GSDME: variants seen among roughly 807,000 people sequenced by gnomAD.
GSDME encodes the protein gasdermin-E.
A neutral mutation model predicts 47.5 loss-of-function variants in GSDME; 44 were observed. The ratio of observed to expected loss-of-function variants is 0.93; its 90% confidence interval spans 0.73 to 1.19. The LOEUF (loss-of-function observed/expected upper bound fraction) is 1.19, where lower values mean the gene tolerates loss of function less well. Ranked by LOEUF, GSDME falls within the 50% of genes most tolerant of loss-of-function variation. The pLI is 0.00. For missense variants in GSDME, 663 were observed against 604.2 expected (o/e 1.10, Z -1.02); for synonymous variants, 258 against 252.8 (o/e 1.02, Z -0.20).
At chr7:24,795,446 C>T in the GSDME span, among the ~76,000 whole-genome samples, 3 of 152,090 alleles carry the variant, frequency 2.0e-5, no homozygotes, top group African/African-American at 7.2e-5. Context: ...CTTACAAAAC[C>T]GAGCTCCCCG....
At chr7:24,700,920 C>G (rs537508510) in intron 9 of GSDME, among the ~76,000 whole-genome samples, 34 of 152,332 alleles carry the variant, frequency 2.2e-4, no homozygotes, top group African/African-American at 7.9e-4. Flanking sequence ...CCACCACCCC[C>G]TTTGCCCACA....
chr7:24,699,315 T>G, intron 9 of GSDME, 56 bp from the exon 10 acceptor site: 1 of 1,274,634 alleles, frequency 7.8e-7, no homozygotes, highest in Non-Finnish European at 1.1e-6. Context: ...AAATCCACAT[T>G]GGATAGTAAT....
At chr7:24,790,429 C>A in the GSDME span, among the ~76,000 whole-genome samples, 3 of 152,158 alleles carry the variant, frequency 2.0e-5, no homozygotes, top group Non-Finnish European at 2.9e-5. The surrounding 1 kb of genome is among the most constrained non-coding windows in gnomAD (Gnocchi z 4.1). Context: ...TCACGGGAAG[C>A]ATAGACAGGG....
chr7:24,723,769 T>G (rs1173128738), intron 3 of GSDME, among the ~76,000 whole-genome samples: 1 of 152,208 alleles, frequency 6.6e-6, no homozygotes, highest in African/African-American at 2.4e-5. Flanking sequence ...GAATTGAATC[T>G]TCATCTCTAT....
chr7:24,713,912 C>T (rs986549824), intron 5 of GSDME, among the ~76,000 whole-genome samples: 2 of 152,074 alleles, frequency 1.3e-5, no homozygotes, highest in African/African-American at 4.8e-5. Flanking sequence ...GCTATGATCC[C>T]GCCACTGCAC....
the GSDME span, among the ~76,000 whole-genome samples, chr7:24,770,508 A>G: frequency 6.6e-6 from 1 of 152,116 alleles, no homozygotes; most frequent in South Asian, 2.1e-4. This position sits in a 1 kb window ranked among gnomAD's most constrained non-coding sequence, Gnocchi z 4.6. Context: ...TTACTTGGAA[A>G]CCTGATACTT....
At chr7:24,752,955 C>T (rs532172276) in intron 1 of GSDME, among the ~76,000 whole-genome samples, 56 of 150,624 alleles carry the variant, frequency 3.7e-4, no homozygotes, top group African/African-American at 1.2e-3. Flanking sequence ...AGGGATTAGA[C>T]GGTAAAAAAG....
rs1789582393 is a variant in GSDME, at chr7:24,716,984, C to T, written c.697+270G>A. 2.1e-6 allele frequency: 1 copy of T among 483,800 alleles called. No individual in the cohort carries two copies. Among genetic ancestry groups the T allele is most frequent in the Non-Finnish European group, 3.8e-6 (1 of 262,078 alleles). 30.0% of individuals were successfully genotyped at this position (483,800 alleles called of 1,614,324 possible). ...CAGGTTGATGCCCAGAGGACACAGC[C>T]CAGCCCTCTACTGTGCTGGTGGAAC... On this transcript the variant is annotated intron_variant, in intron 5 of 9. Coordinates refer to ENST00000645220, the MANE Select transcript of GSDME (RefSeq NM_001127453.2). This position sits in a 1 kb window ranked among gnomAD's most constrained non-coding sequence, Gnocchi z 4.5.
the GSDME span, among the ~76,000 whole-genome samples, chr7:24,795,251 G>A: frequency 6.6e-6 from 1 of 152,190 alleles, no homozygotes; most frequent in Non-Finnish European, 1.5e-5. Flanking sequence ...GCCGGCAGGA[G>A]TCCCCCGCAG....
At chr7:24,766,738 A>G in the GSDME span, among the ~76,000 whole-genome samples, 1 of 152,298 alleles carries the variant, frequency 6.6e-6, no homozygotes, top group Admixed American at 6.5e-5. This position sits in a 1 kb window ranked among gnomAD's most constrained non-coding sequence, Gnocchi z 4.2. Flanking sequence ...AGTCTTTGCT[A>G]TTGTGAACAG....
rs1479029463 is a variant in GSDME at position 24,699,030 on chromosome 7, GA to G, written c.1486del (p.Ser496HisfsTer32). 1 of 1,608,600 alleles carries G rather than the reference GA, an allele frequency of 6.2e-7. No individual in the cohort carries two copies. The highest frequency in any genetic ancestry group is 1.1e-5 in the South Asian group (1 of 90,856). ...ACTTCTAGTTCACATATGACATCAT[GA>G]ATGTTCTCTGCCTAAAGCACAGAGT... ...NGLCALGREH[S>X] is the part of the protein sequence containing the mutation. On this transcript the variant is annotated frameshift_variant, in exon 10 of 10. Coordinates refer to ENST00000645220, the MANE Select transcript of GSDME (RefSeq NM_001127453.2). LOFTEE classifies it high-confidence loss of function.
chr7:24,741,009 G>A (rs977922277), intron 3 of GSDME, among the ~76,000 whole-genome samples: 2 of 152,146 alleles, frequency 1.3e-5, no homozygotes, highest in East Asian at 3.9e-4. Context: ...AGGTGTGCGC[G>A]CTCCAGAGTC....
Position 24,756,368 on chromosome 7 carries a change from A to G in GSDME, c.-20+1028T>C, listed in dbSNP as rs1188187811. 6.6e-6 allele frequency among the ~76,000 whole-genome samples: 1 copy of G among 152,132 alleles called. No homozygotes were observed. Among genetic ancestry groups the G allele is most frequent in the Non-Finnish European group, 1.5e-5 (1 of 68,018 alleles). On this transcript the variant is annotated intron_variant, in intron 1 of 9. Coordinates refer to ENST00000645220, the MANE Select transcript of GSDME (RefSeq NM_001127453.2). This position sits in a 1 kb window ranked among gnomAD's most constrained non-coding sequence, Gnocchi z 4.2. ...AGAGCGAGACCCTCTCTCAACAATA[A>G]CAAAGAACCTAGCCAAGGGACCGTG...
At chr7:24,747,097 A>G (rs1382656441) in intron 2 of GSDME, among the ~76,000 whole-genome samples, 4 of 152,218 alleles carry the variant, frequency 2.6e-5, no homozygotes, top group African/African-American at 9.6e-5. Flanking sequence ...AGGACACCAC[A>G]AAAGAGGCAT....
In GSDME at chr7:24,728,822, A is replaced by G. The variant is rs1283245936; in HGVS notation, c.405-9604T>C. Among the ~76,000 whole-genome samples, 2 of 151,580 alleles carry G rather than the reference A, an allele frequency of 1.3e-5. No homozygotes were observed. The highest frequency in any genetic ancestry group is 2.9e-5 in the Non-Finnish European group (2 of 67,880). ...GGGCAGGAAATCTCTAGAAACCTCA[A>G]CTCCTGTGCCCTGGGCCTCCACTTC... On this transcript the variant is annotated intron_variant, in intron 3 of 9. Coordinates refer to ENST00000645220, the MANE Select transcript of GSDME (RefSeq NM_001127453.2). The surrounding 1 kb of genome is among the most constrained non-coding windows in gnomAD (Gnocchi z 7.2).
In GSDME at chr7:24,716,376, A is replaced by T. The variant is rs1045982594; in HGVS notation, c.697+878T>A. ...AGACATATTACCATTTCATCCGTGAATGTTTCAGTGTACATCTCTCAAAGA... is the reference window on the plus strand; with the variant it reads ...AGACATATTACCATTTCATCCGTGATTGTTTCAGTGTACATCTCTCAAAGA... On this transcript the variant is annotated intron_variant, in intron 5 of 9. Transcript: ENST00000645220. This position sits in a 1 kb window ranked among gnomAD's most constrained non-coding sequence, Gnocchi z 4.5. The T allele has an allele frequency of 6.6e-6, 1 of 152,214 alleles. No homozygotes were observed. Among genetic ancestry groups the T allele is most frequent in the African/African-American group, 2.4e-5 (1 of 41,440 alleles). 9.4% of individuals were successfully genotyped at this position (152,214 alleles called of 1,614,324 possible). A position where few individuals can be genotyped will look rare whatever the true frequency, so the allele number is the denominator to read the frequency against.
upstream of GSDME, among the ~76,000 whole-genome samples, chr7:24,761,881 A>G (rs989172679): frequency 2.6e-5 from 4 of 152,238 alleles, no homozygotes; most frequent in Non-Finnish European, 5.9e-5. The surrounding 1 kb of genome is among the most constrained non-coding windows in gnomAD (Gnocchi z 4.4). Context: ...TAGGGGTGGT[A>G]TATTCTACCT....
intron 7 of GSDME, 117 bp from the exon 8 acceptor site, chr7:24,706,493 C>T (rs571499916): frequency 1.8e-5 from 17 of 937,906 alleles, no homozygotes; most frequent in African/African-American, 1.7e-4. Flanking sequence ...GAGGAAAGTA[C>T]GACCCGCAGC....
In GSDME at chr7:24,710,677, T is replaced by C. The variant is rs534122522; in HGVS notation, c.698-289A>G. 149 of 382,092 alleles carry C rather than the reference T, an allele frequency of 3.9e-4. 1 individual carries two copies. The South Asian group carries it at 4.6e-3, about 12-fold the overall frequency. 23.7% of individuals were successfully genotyped at this position (382,092 alleles called of 1,614,324 possible). The stretch of plus-strand genomic sequence containing the variant: ...TCTTTAAAACATTGGAAATATTATT[T>C]TATCCTGATTTGAACAAACTGATTC... On this transcript the variant is annotated intron_variant, in intron 5 of 9. Transcript: ENST00000645220.
Sources: gnomAD v4.1 joint callset for allele counts (sites outside exome capture counted in the v4.1 genomes callset) on GRCh38, gnomAD v4.1.1 for gene constraint, Gnocchi (gnomAD v3.1) non-coding constraint, MANE v1.5 for transcripts, NCBI Gene and HGNC (gene_info 2026-07-23, HGNC 2026-07-21) for gene names.